XYLT1: variants seen among roughly 807,000 people sequenced by gnomAD.
XYLT1 encodes the protein beta-D-xylosyltransferase 1.
A neutral mutation model predicts 91.3 loss-of-function variants in XYLT1; 36 were observed. That is an observed-to-expected ratio of 0.39 (90% CI 0.30 to 0.52). XYLT1 has a LOEUF of 0.52. Ranked by LOEUF, XYLT1 falls within the 20% of genes least tolerant of loss-of-function variation. The pLI, the probability that XYLT1 is intolerant of heterozygous loss-of-function variation, is 0.68. For synonymous variants in XYLT1, 588 were observed against 532.0 expected (o/e 1.11, Z -1.45); for missense variants, 1,242 against 1,284.5 (o/e 0.97, Z 0.51).
intron 1 of XYLT1, among the ~76,000 whole-genome samples, chr16:17,454,871 A>G (rs543359381): frequency 1.3e-4 from 18 of 142,492 alleles, no homozygotes; most frequent in Non-Finnish European, 2.1e-4. Context: ...ATTTCATATA[A>G]TTTTCACGCG....
At chr16:17,470,332 G>C in intron 1 of XYLT1, 102 bp downstream of exon 1, 1 of 1,180,062 alleles carries the variant, frequency 8.5e-7, no homozygotes, top group Non-Finnish European at 1.1e-6. Context: ...TAGGCTTGCA[G>C]AGTCCCAGTC....
At chr16:17,467,610 G>GGGTGTTT (rs2036916551) in intron 1 of XYLT1, among the ~76,000 whole-genome samples, 1 of 152,108 alleles carries the variant, frequency 6.6e-6, no homozygotes, top group Admixed American at 6.5e-5. Flanking sequence ...TTGAGAAACG[G>GGGTGTTT]GGTGTTTCCT....
chr16:17,350,226 A>G (rs2035201557), intron 2 of XYLT1, among the ~76,000 whole-genome samples: 1 of 152,174 alleles, frequency 6.6e-6, no homozygotes, highest in Non-Finnish European at 1.5e-5. Flanking sequence ...CAAACTTTCA[A>G]TGTCTTCGGT....
At chr16:17,282,910 A>G (rs952788010) in intron 2 of XYLT1, among the ~76,000 whole-genome samples, 4 of 152,120 alleles carry the variant, frequency 2.6e-5, no homozygotes, top group Non-Finnish European at 5.9e-5. Context: ...TATAGCTACT[A>G]TTGCTAACCC....
At chr16:17,132,099 T>C (rs1303997729) in intron 9 of XYLT1, among the ~76,000 whole-genome samples, 3 of 152,206 alleles carry the variant, frequency 2.0e-5, no homozygotes, top group Non-Finnish European at 1.5e-5. Flanking sequence ...ATTTACCTTA[T>C]ACATTCTAGG....
At chr16:17,301,148 T>C (rs1237380111) in intron 2 of XYLT1, among the ~76,000 whole-genome samples, 1 of 152,020 alleles carries the variant, frequency 6.6e-6, no homozygotes, top group Non-Finnish European at 1.5e-5. Context: ...CAGTGGCTCA[T>C]ACTTATAATC....
At chr16:17,467,534 A>G (rs1453828408) in intron 1 of XYLT1, among the ~76,000 whole-genome samples, 2 of 152,220 alleles carry the variant, frequency 1.3e-5, no homozygotes, top group Non-Finnish European at 2.9e-5. Flanking sequence ...AAGAGCTTTA[A>G]AAGAGGCTGA....
intron 5 of XYLT1, among the ~76,000 whole-genome samples, chr16:17,163,734 C>T (rs990139453): frequency 1.3e-5 from 2 of 152,104 alleles, no homozygotes; most frequent in African/African-American, 2.4e-5. Context: ...CTGCAATGAA[C>T]GACCCATTGT....
chr16:17,235,582 G>A (rs563456547), intron 3 of XYLT1, among the ~76,000 whole-genome samples: 17 of 152,182 alleles, frequency 1.1e-4, no homozygotes, highest in Non-Finnish European at 1.8e-4. Context: ...AGTCCCCAAA[G>A]ACGCGCTGAG....
intron 1 of XYLT1, among the ~76,000 whole-genome samples, chr16:17,424,305 A>C (rs556054330): frequency 2.4e-4 from 37 of 152,358 alleles, no homozygotes; most frequent in African/African-American, 8.9e-4. Context: ...ACCTGAGAGA[A>C]CTGAACAAGA....
intron 3 of XYLT1, among the ~76,000 whole-genome samples, chr16:17,255,097 A>G (rs914296213): frequency 1.2e-4 from 18 of 150,444 alleles, no homozygotes; most frequent in African/African-American, 4.4e-4. Flanking sequence ...CTTGGGTTCA[A>G]GCAATTCTCC....
intron 1 of XYLT1, among the ~76,000 whole-genome samples, chr16:17,374,641 A>AC (rs2035573428): frequency 8.9e-6 from 1 of 112,826 alleles, no homozygotes; most frequent in South Asian, 2.4e-4. Flanking sequence ...TATTACAGAC[A>AC]GAAAAAAAAA....
At chr16:17,348,502 G>A (rs2141853649) in intron 2 of XYLT1, among the ~76,000 whole-genome samples, 1 of 152,254 alleles carries the variant, frequency 6.6e-6, no homozygotes, top group South Asian at 2.1e-4. Context: ...CTTGGACCAG[G>A]GACTGAGCCT....
Position 17,470,496 on chromosome 16 carries a change from C to G in XYLT1, c.301G>C (p.Gly101Arg). 5.7e-6 allele frequency: 7 copies of G among 1,230,618 alleles called. No individual in the cohort carries two copies. Among genetic ancestry groups the G allele is most frequent in the Non-Finnish European group, 7.1e-6 (7 of 987,602 alleles). The allele number at this position is 1,230,618 out of a possible 1,614,324, so 76.2% of individuals were successfully genotyped here. A position where few individuals can be genotyped will look rare whatever the true frequency, so the allele number is the denominator to read the frequency against. Reference protein sequence around the residue: ...RGPQARARGGGPGEPRGQQPA... With the variant: ...RGPQARARGGRPGEPRGQQPA... ...TGCTGTCCCCGCGGTTCTCCGGGGC[C>G]GCCTCCCCGCGCCCGCGCCTGGGGC... Residue 101 changes from glycine to arginine, a missense_variant, in exon 1 of 12, where the codon GGC becomes CGC. Around this residue, in one of 3 missense-constraint regions of XYLT1, gnomAD observed 437 missense variants for 411.5 expected, o/e 1.06. Coordinates refer to ENST00000261381, the MANE Select transcript of XYLT1 (RefSeq NM_022166.4).
At chr16:17,213,013 C>T (rs1206099823) in intron 3 of XYLT1, among the ~76,000 whole-genome samples, 1 of 152,182 alleles carries the variant, frequency 6.6e-6, no homozygotes, top group Non-Finnish European at 1.5e-5. Context: ...TTCTAACAGA[C>T]TTGATATGGT....
chr16:17,121,349 G>A (rs899187224), intron 10 of XYLT1, among the ~76,000 whole-genome samples: 24 of 152,144 alleles, frequency 1.6e-4, no homozygotes, highest in Admixed American at 3.9e-4. Context: ...ACCGAGGAGC[G>A]TGAAGGGTGA....
chr16:17,449,901 C>T (rs2036643053), intron 1 of XYLT1, among the ~76,000 whole-genome samples: 1 of 152,200 alleles, frequency 6.6e-6, no homozygotes, highest in Non-Finnish European at 1.5e-5. Context: ...GACATCTCAT[C>T]TGATCTTTCA....
chr16:17,223,214 C>T (rs1443855780), intron 3 of XYLT1, among the ~76,000 whole-genome samples: 1 of 152,194 alleles, frequency 6.6e-6, no homozygotes, highest in African/African-American at 2.4e-5. Context: ...GTCGCACTCA[C>T]AGAGGAATGC....
At chr16:17,204,847 G>A (rs2141593306) in intron 3 of XYLT1, among the ~76,000 whole-genome samples, 1 of 152,000 alleles carries the variant, frequency 6.6e-6, no homozygotes, top group South Asian at 2.1e-4. Flanking sequence ...CGTCCCTAGA[G>A]GAAATGTGTC....
Sources: allele counts gnomAD v4.1 joint callset (sites outside exome capture counted in the v4.1 genomes callset), GRCh38; gene constraint gnomAD v4.1.1; regional missense constraint gnomAD v4.1.1; transcripts MANE v1.5; gene names NCBI Gene and HGNC (gene_info 2026-07-23, HGNC 2026-07-21).